HS3ST4: variants seen among roughly 807,000 people sequenced by gnomAD.
HS3ST4 encodes heparan sulfate glucosamine 3-O-sulfotransferase 4.
HS3ST4 carries 17 observed loss-of-function variants against 29.2 expected under a neutral mutation model. The ratio of observed to expected loss-of-function variants is 0.58; its 90% CI spans 0.40 to 0.87. HS3ST4 has a LOEUF of 0.87. HS3ST4 is among the 40% of genes least tolerant of loss of function. The pLI is 0.00. For missense variants in HS3ST4, 627 were observed against 634.5 expected (o/e 0.99, Z 0.13); for synonymous variants, 314 against 285.7 (o/e 1.10, Z -1.00).
At chr16:25,962,717 C>A (rs1968807146) in intron 1 of HS3ST4, among the ~76,000 whole-genome samples, 1 of 152,104 alleles carries the variant, frequency 6.6e-6, no homozygotes, top group Admixed American at 6.6e-5. Context: ...GATACTTAGC[C>A]CTCTCAGCCT....
chr16:25,983,298 C>T (rs950916502), intron 1 of HS3ST4, among the ~76,000 whole-genome samples: 1 of 152,056 alleles, frequency 6.6e-6, no homozygotes, highest in African/African-American at 2.4e-5. Flanking sequence ...TAGAAGAGCC[C>T]CCCTTGCTGA....
intron 1 of HS3ST4, among the ~76,000 whole-genome samples, chr16:25,732,492 G>C (rs1211511543): frequency 6.6e-6 from 1 of 152,156 alleles, no homozygotes; most frequent in African/African-American, 2.4e-5. Context: ...GCTCTGTAGA[G>C]CAACAAGCTT....
intron 1 of HS3ST4, among the ~76,000 whole-genome samples, chr16:25,809,259 A>G (rs1044047511): frequency 6.6e-6 from 1 of 152,168 alleles, no homozygotes; most frequent in Non-Finnish European, 1.5e-5. Flanking sequence ...AGGAAGATTT[A>G]GTTACACTCT....
Position 26,135,678 on chromosome 16 carries a change from A to G in HS3ST4, c.801A>G (p.Thr267=). The G allele has an allele frequency of 1.2e-6, 2 of 1,613,868 alleles. No individual in the cohort carries two copies. The highest frequency in any genetic ancestry group is 8.5e-7 in the Non-Finnish European group (1 of 1,179,844). The change falls in exon 2 of 2, where the codon ACA becomes ACG. Residue 267 remains threonine, a synonymous_variant. Coordinates refer to ENST00000331351, the MANE Select transcript of HS3ST4 (RefSeq NM_006040.3). The part of the protein sequence containing the change: ...TMEKTPSYFV[T]NEAPKRIHSM... Reference sequence around the variant, plus strand: ...AGAAGACTCCAAGTTACTTTGTGACAAATGAGGCTCCCAAGCGCATTCACT... The same window carrying G: ...AGAAGACTCCAAGTTACTTTGTGACGAATGAGGCTCCCAAGCGCATTCACT...
chr16:26,063,823 A>G (rs1272939496), intron 1 of HS3ST4, among the ~76,000 whole-genome samples: 1 of 152,234 alleles, frequency 6.6e-6, no homozygotes, highest in African/African-American at 2.4e-5. Flanking sequence ...AGCTGATTGC[A>G]TGGGCCGGGG....
At chr16:25,826,946 C>T (rs916007703) in intron 1 of HS3ST4, among the ~76,000 whole-genome samples, 3 of 151,950 alleles carry the variant, frequency 2.0e-5, no homozygotes, top group Admixed American at 6.6e-5. Flanking sequence ...CTGCAGTCCT[C>T]GGTGTGCCTT....
chr16:25,795,094 T>G (rs1596573176), intron 1 of HS3ST4, among the ~76,000 whole-genome samples: 1 of 151,728 alleles, frequency 6.6e-6, no homozygotes, highest in South Asian at 2.1e-4. Flanking sequence ...GCCTCAGCCT[T>G]CCGAGTAGCT....
At chr16:25,711,577 ATGG>A (rs1966415656) in intron 1 of HS3ST4, among the ~76,000 whole-genome samples, 1 of 152,054 alleles carries the variant, frequency 6.6e-6, no homozygotes, top group African/African-American at 2.4e-5. Flanking sequence ...CTCTTATTTC[ATGG>A]TGAAGATTTT....
intron 1 of HS3ST4, among the ~76,000 whole-genome samples, chr16:25,967,604 G>T (rs1380640275): frequency 6.6e-6 from 1 of 152,182 alleles, no homozygotes; most frequent in Admixed American, 6.5e-5. Context: ...TCACAATTAG[G>T]TTTTTGGTAT....
At chr16:25,864,213 G>A (rs925927798) in intron 1 of HS3ST4, among the ~76,000 whole-genome samples, 14 of 152,242 alleles carry the variant, frequency 9.2e-5, no homozygotes, top group Admixed American at 3.3e-4. Context: ...ATGTATTTAC[G>A]GTGTGCAACA....
intron 1 of HS3ST4, among the ~76,000 whole-genome samples, chr16:26,079,149 A>G (rs1324046309): frequency 6.6e-6 from 1 of 152,236 alleles, no homozygotes; most frequent in East Asian, 1.9e-4. Context: ...AGGCAGGCAG[A>G]TATAGTTTAC....
intron 1 of HS3ST4, among the ~76,000 whole-genome samples, chr16:25,734,817 A>G (rs766890165): frequency 3.9e-5 from 6 of 152,186 alleles, no homozygotes; most frequent in Non-Finnish European, 8.8e-5. Context: ...GAGTCACCTG[A>G]TGGTGGGGAT....
intron 1 of HS3ST4, among the ~76,000 whole-genome samples, chr16:25,971,890 C>A (rs1156976295): frequency 6.6e-6 from 1 of 152,056 alleles, no homozygotes; most frequent in Non-Finnish European, 1.5e-5. Context: ...AAGATCGTGC[C>A]ACTGGACTCC....
intron 1 of HS3ST4, among the ~76,000 whole-genome samples, chr16:26,043,788 C>T (rs1033704387): frequency 1.3e-5 from 2 of 152,186 alleles, no homozygotes; most frequent in Non-Finnish European, 2.9e-5. Context: ...AACCCCTGCC[C>T]TTCTTGTACC....
chr16:25,948,556 AT>A (rs1968652725), intron 1 of HS3ST4, among the ~76,000 whole-genome samples: 1 of 152,012 alleles, frequency 6.6e-6, no homozygotes, highest in Admixed American at 6.6e-5. Context: ...GCTGGAAATA[AT>A]TTCTCCTGTT....
At chr16:25,710,268 A>G (rs1270969600) in intron 1 of HS3ST4, among the ~76,000 whole-genome samples, 1 of 152,242 alleles carries the variant, frequency 6.6e-6, no homozygotes, top group East Asian at 1.9e-4. Flanking sequence ...TTAGCACACA[A>G]GGATATTTTC....
intron 1 of HS3ST4, among the ~76,000 whole-genome samples, chr16:26,048,838 T>TA (rs1898301254): frequency 1.3e-5 from 2 of 151,868 alleles, no homozygotes; most frequent in African/African-American, 2.4e-5. Flanking sequence ...GTCTAAAAAG[T>TA]AAAAAAATAA....
At chr16:26,122,552 T>C (rs183426342) in intron 1 of HS3ST4, among the ~76,000 whole-genome samples, 4 of 152,302 alleles carry the variant, frequency 2.6e-5, no homozygotes, top group Admixed American at 2.0e-4. Context: ...CTGCCCAGCA[T>C]TGAGGCTTCC....
rs145358813 is a variant in HS3ST4, at chr16:25,838,877, T to C, written c.734+145726T>C. On this transcript the variant is annotated intron_variant, in intron 1 of 1. Coordinates refer to ENST00000331351, the MANE Select transcript of HS3ST4 (RefSeq NM_006040.3). Reference sequence around the variant, plus strand: ...GATGGGGGAGGTGCCACCAGAGAATTCTCTTTTGTGATTTGCCTTCCCTGC... The same window carrying C: ...GATGGGGGAGGTGCCACCAGAGAATCCTCTTTTGTGATTTGCCTTCCCTGC... Among the ~76,000 whole-genome samples the C allele has an allele frequency of 5.2e-3, 791 of 152,240 alleles. 3 individuals are homozygous for C. Among genetic ancestry groups the C allele is most frequent in the Non-Finnish European group, 8.9e-3 (605 of 68,006 alleles).
Sources: allele counts gnomAD v4.1 joint callset (sites outside exome capture counted in the v4.1 genomes callset), GRCh38; gene constraint gnomAD v4.1.1; transcripts MANE v1.5; gene names NCBI Gene and HGNC (gene_info 2026-07-23, HGNC 2026-07-21).